The following CPLANE1 variants were observed in gnomAD, a reference collection of about 807,000 sequenced individuals.
The protein encoded by CPLANE1 is ciliogenesis and planar polarity effector 1.
CPLANE1 carries 263 observed loss-of-function variants against 362.5 expected under a neutral mutation model. The ratio of observed to expected loss-of-function variants is 0.73; its 90% CI spans 0.66 to 0.80. The LOEUF (loss-of-function observed/expected upper bound fraction) is 0.80, where lower values mean the gene tolerates loss of function less well. CPLANE1 is among the 30% of genes least tolerant of loss of function. CPLANE1 has a pLI of 0.00. For synonymous variants in CPLANE1, 1,212 were observed against 1,302.6 expected, an observed-to-expected ratio of 0.93 and a Z score of 1.50; for missense variants, 3,461 against 3,793.4, an observed-to-expected ratio of 0.91 and a Z score of 2.30.
chr5:37,108,348 G>A lies in CPLANE1; in HGVS notation c.9524C>T (p.Thr3175Met), dbSNP rs587783354. ...AATCTTATGGATTTCTGAAGGTATC[G>A]TCCAGGGACTCACCACAGTCTCCTC... Reference protein sequence around the residue: ...EREETVVSPWTIPSEIHKILH... With the variant: ...EREETVVSPWMIPSEIHKILH... The change falls in exon 52 of 53, where the codon ACG becomes ATG. Residue 3175 changes from threonine to methionine, a missense_variant. Transcript: ENST00000651892. The A allele has an allele frequency of 5.2e-5, 84 of 1,613,990 alleles. No individual in the cohort carries two copies. The highest frequency in any genetic ancestry group is 4.9e-4 in the East Asian group (22 of 44,892).
intron 15 of CPLANE1, among the ~76,000 whole-genome samples, chr5:37,214,466 T>TAG (rs1189403024): frequency 6.6e-6 from 1 of 152,054 alleles, no homozygotes; most frequent in Admixed American, 6.6e-5. Context: ...CAGAGCTAGA[T>TAG]AGACCCTGAC....
At chr5:37,135,928 T>A (rs1398865202) in intron 46 of CPLANE1, among the ~76,000 whole-genome samples, 1 of 152,200 alleles carries the variant, frequency 6.6e-6, no homozygotes, top group South Asian at 2.1e-4. Context: ...GATTAAATTA[T>A]CTCCACCAAC....
intron 8 of CPLANE1, among the ~76,000 whole-genome samples, chr5:37,232,458 A>T (rs1472208228): frequency 6.7e-6 from 1 of 149,928 alleles, no homozygotes; most frequent in Non-Finnish European, 1.5e-5. Context: ...CAGAGGTTGC[A>T]GTGAGACGAG....
intron 9 of CPLANE1, 140 bp downstream of exon 9, chr5:37,230,727 A>C: frequency 2.0e-6 from 1 of 510,568 alleles, no homozygotes; most frequent in Non-Finnish European, 3.1e-6. Context: ...AACTACAAAT[A>C]AGAAACAGAT....
intron 32 of CPLANE1, among the ~76,000 whole-genome samples, chr5:37,173,138 A>C (rs1190968803): frequency 6.6e-6 from 1 of 152,222 alleles, no homozygotes; most frequent in Non-Finnish European, 1.5e-5. Context: ...TAATGTTTCT[A>C]AAAAGGTAAA....
intron 43 of CPLANE1, among the ~76,000 whole-genome samples, chr5:37,143,731 C>T (rs565297684): frequency 2.0e-5 from 3 of 151,236 alleles, no homozygotes; most frequent in African/African-American, 7.3e-5. Flanking sequence ...GTCAGGAGTT[C>T]GAGAACAGCC....
At chr5:37,124,613 T>C (rs1227221572) in intron 47 of CPLANE1, among the ~76,000 whole-genome samples, 1 of 152,184 alleles carries the variant, frequency 6.6e-6, no homozygotes, top group Non-Finnish European at 1.5e-5. Flanking sequence ...AGTGCAGTGG[T>C]GTGATCATAG....
intron 38 of CPLANE1, among the ~76,000 whole-genome samples, chr5:37,160,596 G>T (rs1194396385): frequency 6.6e-6 from 1 of 150,846 alleles, no homozygotes; most frequent in Non-Finnish European, 1.5e-5. Flanking sequence ...CTCAAATGCA[G>T]AGTCATCATT....
At chr5:37,206,156 T>G in intron 17 of CPLANE1, 41 bp downstream of exon 17, 4 of 1,249,466 alleles carry the variant, frequency 3.2e-6, no homozygotes, top group Non-Finnish European at 4.6e-6. Flanking sequence ...AAATACATAG[T>G]TCAATCATAC....
intron 47 of CPLANE1, among the ~76,000 whole-genome samples, chr5:37,122,706 G>T (rs929299489): frequency 6.6e-6 from 1 of 152,076 alleles, no homozygotes. Flanking sequence ...CTGAGGTCAG[G>T]AGTTCATGAC....
At chr5:37,234,793 C>T (rs1465736711) in intron 8 of CPLANE1, among the ~76,000 whole-genome samples, 2 of 151,954 alleles carry the variant, frequency 1.3e-5, no homozygotes, top group African/African-American at 2.4e-5. Flanking sequence ...TTAAAATTAG[C>T]AAAAGAAAAG....
chr5:37,248,613 A>AG (rs1336995228), intron 1 of CPLANE1, among the ~76,000 whole-genome samples: 2 of 152,110 alleles, frequency 1.3e-5, no homozygotes, highest in Non-Finnish European at 2.9e-5. Context: ...TGCCTGTGAG[A>AG]GCCACTGCAC....
At chr5:37,113,041 GAATA>G (rs747552838) in intron 51 of CPLANE1, among the ~76,000 whole-genome samples, 34 of 152,278 alleles carry the variant, frequency 2.2e-4, no homozygotes, top group Non-Finnish European at 4.3e-4. Flanking sequence ...GCTTTGAAAA[GAATA>G]AAAAGCTATT....
At chr5:37,215,301 G>A (rs565009642) in intron 15 of CPLANE1, among the ~76,000 whole-genome samples, 7 of 152,050 alleles carry the variant, frequency 4.6e-5, no homozygotes, top group South Asian at 2.1e-4. Flanking sequence ...TGCCCGCCTC[G>A]GCCTCCCAAA....
At chr5:37,248,276 C>T (rs1304131357) in intron 1 of CPLANE1, among the ~76,000 whole-genome samples, 2 of 151,634 alleles carry the variant, frequency 1.3e-5, no homozygotes, top group African/African-American at 4.8e-5. Context: ...TACAGGCATG[C>T]ACCACCACAC....
intron 8 of CPLANE1, among the ~76,000 whole-genome samples, chr5:37,236,187 G>C (rs1487549728): frequency 6.6e-6 from 1 of 152,018 alleles, no homozygotes; most frequent in Non-Finnish European, 1.5e-5. Context: ...ATACTACAAG[G>C]CTATAGCAGC....
chr5:37,184,784 G>T lies in CPLANE1; in HGVS notation c.4481+4C>A, dbSNP rs769785905. On this transcript the variant is annotated splice_donor_region_variant and intron_variant, in intron 25 of 52. Transcript: ENST00000651892. ...TGCCAGTGATTAAAAGATCTCAATTGTACCTTTGATAGATATTTATCCTAC... is the reference window on the plus strand; with the variant it reads ...TGCCAGTGATTAAAAGATCTCAATTTTACCTTTGATAGATATTTATCCTAC... The T allele has an allele frequency of 8.1e-6, 13 of 1,604,862 alleles. No individual in the cohort carries two copies. In the South Asian group the frequency reaches 1.3e-4, roughly 17 times the overall value.
At chr5:37,143,658 G>C (rs1368175624) in intron 43 of CPLANE1, among the ~76,000 whole-genome samples, 1 of 152,204 alleles carries the variant, frequency 6.6e-6, no homozygotes, top group South Asian at 2.1e-4. Context: ...AGGAGGCCAG[G>C]CACAGTGGTT....
intron 8 of CPLANE1, among the ~76,000 whole-genome samples, chr5:37,232,839 C>CAAAAAAA (rs765038993): frequency 2.1e-4 from 13 of 61,990 alleles, no homozygotes; most frequent in Admixed American, 3.8e-4. Context: ...GACCTTGTTG[C>CAAAAAAA]AAAAAAAAAA....
Sources: gnomAD v4.1 joint callset for allele counts (sites outside exome capture counted in the v4.1 genomes callset) on GRCh38, gnomAD v4.1.1 for gene constraint, MANE v1.5 for transcripts, NCBI Gene and HGNC (gene_info 2026-07-23, HGNC 2026-07-21) for gene names.